Variants in PLK1 observed in about 807,000 individuals in gnomAD.
PLK1 encodes serine/threonine-protein kinase PLK1.
Under a neutral mutation model 56.7 loss-of-function variants are expected in PLK1, and 6 were observed. That is an observed-to-expected ratio of 0.11 (90% CI 0.06 to 0.21). PLK1 has a LOEUF of 0.21. Ranked by LOEUF, PLK1 falls within the 10% of genes least tolerant of loss-of-function variation. The pLI is 1.00. For missense variants in PLK1, 546 were observed against 814.4 expected, an observed-to-expected ratio of 0.67 and a Z score of 4.01; for synonymous variants, 298 against 325.0, an observed-to-expected ratio of 0.92 and a Z score of 0.89.
rs1241134783 is a variant in PLK1, at chr16:23,679,053, C to A, written c.121C>A (p.Pro41Thr). Reference sequence around the variant, plus strand: ...GGCGGCTCCACCGGCGAAAGAGATCCCGGAGGTCCTAGTGGACCCACGCAG... The same window carrying A: ...GGCGGCTCCACCGGCGAAAGAGATCACGGAGGTCCTAGTGGACCCACGCAG... ...PAAAPPAKEI[P>T]EVLVDPRSRR... The change falls in exon 1 of 10, where the codon CCG becomes ACG. Residue 41 changes from proline (P) to threonine (T), a missense_variant. By Grantham distance (38) the Pro-to-Thr change is conservative (BLOSUM62 -1). Coordinates refer to ENST00000300093, the MANE Select transcript of PLK1 (RefSeq NM_005030.6). 1 of 1,607,592 alleles carries A rather than the reference C, an allele frequency of 6.2e-7. No individual in the cohort carries two copies. Among genetic ancestry groups the A allele is most frequent in the Non-Finnish European group, 8.5e-7 (1 of 1,175,942 alleles).
At chr16:23,683,662 CCA>C in intron 4 of PLK1, among the ~76,000 whole-genome samples, 1 of 152,112 alleles carries the variant, frequency 6.6e-6, no homozygotes, top group East Asian at 1.9e-4. Context: ...TGGTGTTCGG[CCA>C]CAGTCCATTG....
At position 23,679,252 on chromosome 16, in the gene PLK1, G is replaced by A. The variant is rs139594215; in HGVS notation, c.320G>A (p.Ser107Asn). The A allele has an allele frequency of 1.1e-4, 179 of 1,614,010 alleles. No individual in the cohort carries two copies. Among genetic ancestry groups the A allele is most frequent in the Admixed American group, 5.2e-4 (31 of 60,002 alleles). The change falls in exon 1 of 10, where the codon AGC becomes AAC. Residue 107 changes from serine to asparagine, a missense_variant. Around this residue, in one of 7 missense-constraint regions of PLK1, gnomAD observed 111 missense variants for 211.8 expected, o/e 0.52. Coordinates refer to ENST00000300093, the MANE Select transcript of PLK1 (RefSeq NM_005030.6). The part of the protein sequence containing the change: ...KMSMEISIHR[S>N]LAHQHVVGFH... ...TCCATGGAAATATCCATTCACCGCAGCCTCGCCCACCAGCACGTCGTAGGA... is the reference window on the plus strand; with the variant it reads ...TCCATGGAAATATCCATTCACCGCAACCTCGCCCACCAGCACGTCGTAGGA...
In PLK1 at chr16:23,689,809, A is replaced by G. The variant is rs181567920; in HGVS notation, c.1609-51A>G. The G allele has an allele frequency of 7.7e-6, 12 of 1,563,672 alleles. No individual in the cohort carries two copies. The East Asian group carries it at 1.6e-4, about 21-fold the overall frequency. ...CTGTTGTGTCTTCCCTCTACTCCCTAACATACACTGGCCTCTGGGATCGCC... is the reference window on the plus strand; with the variant it reads ...CTGTTGTGTCTTCCCTCTACTCCCTGACATACACTGGCCTCTGGGATCGCC... On this transcript the variant is annotated intron_variant, in intron 9 of 9. Coordinates refer to ENST00000300093, the MANE Select transcript of PLK1 (RefSeq NM_005030.6). The surrounding 1 kb of genome is among the most constrained non-coding windows in gnomAD (Gnocchi z 4.8).
intron 4 of PLK1, among the ~76,000 whole-genome samples, chr16:23,683,576 G>T (rs1052532572): frequency 2.0e-5 from 3 of 152,130 alleles, no homozygotes. Context: ...AGATGAGTTG[G>T]TGAGGGCTAA....
In PLK1 at chr16:23,689,635, C is replaced by T; in HGVS notation, c.1567C>T (p.Leu523=). ...GTTCCGCACCCGCAGCGCCATCATC[C>T]TGCACCTCAGCAACGGCAGCGTGCA... The part of the protein sequence containing the change: ...TWFRTRSAII[L]HLSNGSVQIN... The change falls in exon 9 of 10, where the codon CTG becomes TTG. Residue 523 remains leucine, a synonymous_variant. Coordinates refer to ENST00000300093, the MANE Select transcript of PLK1 (RefSeq NM_005030.6). This position sits in a 1 kb window ranked among gnomAD's most constrained non-coding sequence, Gnocchi z 4.8. 1 of 1,611,802 alleles carries T rather than the reference C, an allele frequency of 6.2e-7. No homozygotes were observed. Among genetic ancestry groups the T allele is most frequent in the Non-Finnish European group, 8.5e-7 (1 of 1,179,176 alleles).
Position 23,679,008 on chromosome 16 carries a change from G to A in PLK1, c.76G>A (p.Ala26Thr), listed in dbSNP as rs758028407. 66 of 1,606,836 alleles carry A rather than the reference G, an allele frequency of 4.1e-5. No homozygotes were observed. The highest frequency in any genetic ancestry group is 5.3e-5 in the Non-Finnish European group (62 of 1,177,202). The part of the protein sequence containing the change: ...DPGKAGVPGV[A>T]APGAPAAAPP... ...TGGGAAAGCCGGGGTCCCCGGAGTT[G>A]CAGCTCCCGGAGCTCCGGCGGCGGC... The change falls in exon 1 of 10, where the codon GCA becomes ACA. Residue 26 changes from alanine (A) to threonine (T), a missense_variant. Physicochemically the swap from Ala to Thr is moderately conservative, Grantham distance 58. This residue lies in a region of PLK1 where 72 missense variants were observed against 63.7 expected (regional missense o/e 1.13). Coordinates refer to ENST00000300093, the MANE Select transcript of PLK1 (RefSeq NM_005030.6).
chr16:23,683,524 C>T (rs530893111), intron 4 of PLK1, among the ~76,000 whole-genome samples: 9 of 152,272 alleles, frequency 5.9e-5, no homozygotes, highest in African/African-American at 2.2e-4. Flanking sequence ...GCCTCACTTT[C>T]CTCCTCTGTG....
intron 3 of PLK1, 74 bp from the exon 4 acceptor site, chr16:23,681,990 G>T (rs771853234): frequency 2.4e-6 from 2 of 831,600 alleles, no homozygotes; most frequent in Admixed American, 3.6e-5. Flanking sequence ...CCTTTGTTCT[G>T]ACCCTGAGAT....
At chr16:23,681,080 G>C in intron 3 of PLK1, 22 bp downstream of exon 3, 1 of 1,609,594 alleles carries the variant, frequency 6.2e-7, no homozygotes, top group Non-Finnish European at 8.5e-7. Flanking sequence ...GTTGTCTCTG[G>C]ACCAACCTGG....
At chr16:23,681,832 C>G (rs1170361939) in intron 3 of PLK1, among the ~76,000 whole-genome samples, 1 of 152,176 alleles carries the variant, frequency 6.6e-6, no homozygotes, top group Non-Finnish European at 1.5e-5. Context: ...GCTAAAAAAT[C>G]ACTGGCCCTT....
chr16:23,680,179 C>T lies in PLK1; in HGVS notation c.504C>T (p.His168=). The change falls in exon 2 of 10, where the codon CAC becomes CAT. Residue 168 remains histidine (H), a synonymous_variant. Coordinates refer to ENST00000300093, the MANE Select transcript of PLK1 (RefSeq NM_005030.6). ...TTGTGCTTGGCTGCCAGTACCTGCA[C>T]CGAAACCGAGTTATTCATCGAGACC... ...RQIVLGCQYL[H]RNRVIHRDLK... The T allele has an allele frequency of 1.9e-6, 3 of 1,613,956 alleles. No individual in the cohort carries two copies. Among genetic ancestry groups the T allele is most frequent in the Non-Finnish European group, 2.5e-6 (3 of 1,179,902 alleles).
rs769751338 is a variant in PLK1 at position 23,681,002 on chromosome 16, G to T, written c.666G>T (p.Val222=). Residue 222 remains valine (V), a synonymous_variant, in exon 3 of 10, where the codon GTG becomes GTT. Transcript: ENST00000300093. ...CGTPNYIAPE[V]LSKKGHSFEV... is the part of the protein sequence containing the mutation. ...CTCCTAATTACATAGCTCCCGAGGT[G>T]CTGAGCAAGAAAGGGCACAGTTTCG... 6.2e-7 allele frequency: 1 copy of T among 1,613,164 alleles called. No homozygotes were observed. Among genetic ancestry groups the T allele is most frequent in the South Asian group, 1.1e-5 (1 of 90,786 alleles).
chr16:23,687,555 A>C lies in PLK1; in HGVS notation c.1123A>C (p.Ser375Arg). The change falls in exon 6 of 10, where the codon AGT becomes CGT. Residue 375 changes from serine (S) to arginine (R), a missense_variant. Ser to Arg is a moderately radical substitution (Grantham distance 110). Transcript: ENST00000300093. ...ETGEVVDCHL[S>R]DMLQQLHSVN... is the part of the protein sequence containing the mutation. The stretch of plus-strand genomic sequence containing the variant: ...AGGTGAGGTGGTCGACTGCCACCTC[A>C]GTGACATGCTGCAGCAGCTGCACAG... 2 of 1,605,320 alleles carry C rather than the reference A, an allele frequency of 1.2e-6. No individual in the cohort carries two copies. The highest frequency in any genetic ancestry group is 1.7e-6 in the Non-Finnish European group (2 of 1,175,126).
chr16:23,681,017 G>A lies in PLK1; in HGVS notation c.681G>A (p.Gly227=), dbSNP rs2140997806. ...CTCCCGAGGTGCTGAGCAAGAAAGG[G>A]CACAGTTTCGAGGTGGATGTGTGGT... ...YIAPEVLSKK[G]HSFEVDVWSI... The change falls in exon 3 of 10, where the codon GGG becomes GGA. Residue 227 remains glycine (G), a synonymous_variant. Coordinates refer to ENST00000300093, the MANE Select transcript of PLK1 (RefSeq NM_005030.6). The A allele has an allele frequency of 6.2e-7, 1 of 1,613,216 alleles. No individual in the cohort carries two copies. Among genetic ancestry groups the A allele is most frequent in the South Asian group, 1.1e-5 (1 of 90,798 alleles).
intron 6 of PLK1, 71 bp from the exon 7 acceptor site, chr16:23,688,597 G>C: frequency 1.7e-6 from 2 of 1,211,742 alleles, no homozygotes; most frequent in South Asian, 1.2e-5. Context: ...CCCTGGTGTG[G>C]GCCACATGTG....
rs200552730 is a variant in PLK1 at position 23,689,266 on chromosome 16, G to T, written c.1299G>T (p.Gly433=). Residue 433 remains glycine (G), a synonymous_variant, in exon 8 of 10, where the codon GGG becomes GGT. Transcript: ENST00000300093. This position sits in a 1 kb window ranked among gnomAD's most constrained non-coding sequence, Gnocchi z 4.8. ...LGYQLCDNSV[G]VLFNDSTRLI... ...ATCAGCTCTGTGATAACAGCGTGGG[G>T]GTGCTCTTCAATGACTCAACACGCC... 5.6e-5 allele frequency: 90 copies of T among 1,613,484 alleles called. 1 individual carries two copies. In the East Asian group the frequency reaches 1.4e-3, roughly 24 times the overall value.
Position 23,690,146 on chromosome 16 carries a change from T to C in PLK1, c.*83T>C. 1 of 1,047,386 alleles carries C rather than the reference T, an allele frequency of 9.5e-7. No individual in the cohort carries two copies. The highest frequency in any genetic ancestry group is 1.5e-6 in the Non-Finnish European group (1 of 686,172). 64.9% of individuals were successfully genotyped at this position (1,047,386 alleles called of 1,614,324 possible). Reference sequence around the variant, plus strand: ...ATACTGGTTGGCTCCCGCGGTGCCATGTCTGCAGTGTGCCCCCCAGCCCCG... The same window carrying C: ...ATACTGGTTGGCTCCCGCGGTGCCACGTCTGCAGTGTGCCCCCCAGCCCCG... On this transcript the variant is annotated 3_prime_UTR_variant, in exon 10 of 10. Transcript: ENST00000300093.
At chr16:23,687,758 C>G in intron 6 of PLK1, 134 bp downstream of exon 6, 1 of 564,018 alleles carries the variant, frequency 1.8e-6, no homozygotes, top group Admixed American at 3.9e-5. Context: ...TCCCCATTTC[C>G]TGATATCCAA....
chr16:23,682,968 A>T (rs1183999115), intron 4 of PLK1, among the ~76,000 whole-genome samples: 1 of 149,514 alleles, frequency 6.7e-6, no homozygotes, highest in African/African-American at 2.5e-5. Context: ...TCCTAATGGC[A>T]TAGTTGTGTG....
Sources: allele counts gnomAD v4.1 joint callset (sites outside exome capture counted in the v4.1 genomes callset), GRCh38; gene constraint gnomAD v4.1.1; regional missense constraint gnomAD v4.1.1; non-coding constraint Gnocchi (gnomAD v3.1); transcripts MANE v1.5; gene names NCBI Gene and HGNC (gene_info 2026-07-23, HGNC 2026-07-21).